The following NAA30 variants were observed in gnomAD, a reference collection of about 807,000 sequenced individuals.
NAA30 encodes the protein N-alpha-acetyltransferase 30.
NAA30 carries 5 observed loss-of-function variants against 31.4 expected under a neutral mutation model. The ratio of observed to expected loss-of-function variants is 0.16; its 90% confidence interval spans 0.08 to 0.33. The LOEUF (loss-of-function observed/expected upper bound fraction) is 0.33, where lower values mean the gene tolerates loss of function less well. Among genes scored for constraint, NAA30 ranks in the 10% least tolerant of loss-of-function variants. The pLI is 1.00. For synonymous variants in NAA30, 222 were observed against 207.1 expected (o/e 1.07, Z -0.62); for missense variants, 428 against 490.8 (o/e 0.87, Z 1.21).
intron 2 of NAA30, among the ~76,000 whole-genome samples, chr14:57,392,291 T>C (rs1233551625): frequency 6.6e-6 from 1 of 152,234 alleles, no homozygotes; most frequent in Non-Finnish European, 1.5e-5. Flanking sequence ...GCCTGCTTTC[T>C]GGTACTCCAT....
rs754538525 is a variant in NAA30, at chr14:57,409,393, C to T, written c.966C>T (p.Thr322=). The change falls in exon 5 of 5, where the codon ACC becomes ACT. Residue 322 remains threonine, a synonymous_variant. Coordinates refer to ENST00000556492, the MANE Select transcript of NAA30 (RefSeq NM_001011713.3). ...TTTCTTTGAAGGTTGTTTTGGAAAC[C>T]GAAATAACAAATAAGTCCGCTTTGA... ...EGDCDEVVLE[T]EITNKSALKL... is the part of the protein sequence containing the mutation. 8.2e-6 allele frequency: 13 copies of T among 1,594,862 alleles called. No individual in the cohort carries two copies. The highest frequency in any genetic ancestry group is 3.5e-5 in the South Asian group (3 of 86,646).
chr14:57,395,947 C>T (rs1051608937), intron 2 of NAA30, among the ~76,000 whole-genome samples: 9 of 152,012 alleles, frequency 5.9e-5, no homozygotes, highest in African/African-American at 1.9e-4. Context: ...ATCTGGCTTT[C>T]ACTAAAACTT....
Position 57,413,200 on chromosome 14 carries a change from G to A in NAA30, c.*3684G>A, listed in dbSNP as rs905869937. On this transcript the variant is annotated 3_prime_UTR_variant, in exon 5 of 5. Transcript: ENST00000556492. ...GCTTTTTGCCCCTGTCTTGTGAGGA[G>A]CTTTAAATAGCTGTGAATACTTCTG... 1.3e-5 allele frequency: 2 copies of A among 151,634 alleles called. No homozygotes were observed. The highest frequency in any genetic ancestry group is 3.9e-4 in the East Asian group (2 of 5,154). 9.4% of individuals were successfully genotyped at this position (151,634 alleles called of 1,614,324 possible). A position where few individuals can be genotyped will look rare whatever the true frequency, so the allele number is the denominator to read the frequency against.
intron 2 of NAA30, among the ~76,000 whole-genome samples, chr14:57,394,018 A>C (rs528438112): frequency 6.6e-6 from 1 of 151,988 alleles, no homozygotes; most frequent in African/African-American, 2.4e-5. Context: ...TAATGGGTCA[A>C]TGGAGTATAT....
chr14:57,395,160 A>T (rs2066445509), intron 2 of NAA30, among the ~76,000 whole-genome samples: 1 of 152,168 alleles, frequency 6.6e-6, no homozygotes, highest in Non-Finnish European at 1.5e-5. Flanking sequence ...TCAGAGGTTT[A>T]TTGACCCAAA....
intron 4 of NAA30, 124 bp downstream of exon 4, chr14:57,400,007 G>A: frequency 6.3e-6 from 3 of 477,102 alleles, no homozygotes; most frequent in South Asian, 8.0e-5. Context: ...GCAGCTTGTG[G>A]GGAAAATTAT....
At chr14:57,393,675 A>G (rs1445887920) in intron 2 of NAA30, among the ~76,000 whole-genome samples, 1 of 152,112 alleles carries the variant, frequency 6.6e-6, no homozygotes. Flanking sequence ...AAAAGTTAAG[A>G]ACCAAAGTGA....
chr14:57,406,191 A>G (rs892051769), intron 4 of NAA30, among the ~76,000 whole-genome samples: 12 of 152,284 alleles, frequency 7.9e-5, no homozygotes, highest in East Asian at 1.9e-4. Flanking sequence ...CATTGGTGTA[A>G]CTTTTTTCTA....
intron 4 of NAA30, among the ~76,000 whole-genome samples, chr14:57,408,690 T>A (rs1263473549): frequency 1.3e-5 from 2 of 152,216 alleles, no homozygotes; most frequent in African/African-American, 4.8e-5. Context: ...ATACCTCTTG[T>A]CTGGATTCAG....
chr14:57,396,128 C>G (rs1246895259), intron 2 of NAA30, among the ~76,000 whole-genome samples: 1 of 152,138 alleles, frequency 6.6e-6, no homozygotes, highest in African/African-American at 2.4e-5. Context: ...GTGCATGCCA[C>G]CACACCTGGC....
At chr14:57,394,054 A>G (rs1316750589) in intron 2 of NAA30, among the ~76,000 whole-genome samples, 1 of 151,898 alleles carries the variant, frequency 6.6e-6, no homozygotes, top group Non-Finnish European at 1.5e-5. Context: ...AAAATTGCCA[A>G]TACTTGATTA....
In NAA30 at chr14:57,412,875, C is replaced by T. The variant is rs1044383729; in HGVS notation, c.*3359C>T. On this transcript the variant is annotated 3_prime_UTR_variant, in exon 5 of 5. Coordinates refer to ENST00000556492, the MANE Select transcript of NAA30 (RefSeq NM_001011713.3). ...CTTCCTGCCTTTCATCTAAGAGTTA[C>T]GGGGAAGAAGTATTACATAATTGTC... 5 of 152,088 alleles carry T rather than the reference C, an allele frequency of 3.3e-5. No individual in the cohort carries two copies. Among genetic ancestry groups the T allele is most frequent in the African/African-American group, 7.2e-5 (3 of 41,408 alleles). The allele number at this position is 152,088 out of a possible 1,614,324, so 9.4% of individuals were successfully genotyped here.
Position 57,414,882 on chromosome 14 carries a change from A to G in NAA30, c.*5366A>G, listed in dbSNP as rs2066540487. 1 of 152,226 alleles carries G rather than the reference A, an allele frequency of 6.6e-6. No individual in the cohort carries two copies. The highest frequency in any genetic ancestry group is 6.5e-5 in the Admixed American group (1 of 15,278). 9.4% of individuals were successfully genotyped at this position (152,226 alleles called of 1,614,324 possible). On this transcript the variant is annotated 3_prime_UTR_variant, in exon 5 of 5. Transcript: ENST00000556492. ...TAAGTCAGTGTTTAATCTCAATATG[A>G]AACAGACCTAGAAATAACAAAGACC...
rs973607562 is a variant in NAA30 at position 57,415,621 on chromosome 14, A to AAAGATAT, written c.*6107_*6108insGATATAA. ...AAATCCACAGTTGCATGAAACTTTT[A>AAAGATAT]AAAGTTTAAGATATAAAGTAATTGC... is the stretch of plus-strand genomic sequence containing the variant. On this transcript the variant is annotated 3_prime_UTR_variant, in exon 5 of 5. Transcript: ENST00000556492. 5 of 152,194 alleles carry AAAGATAT rather than the reference A, an allele frequency of 3.3e-5. No individual in the cohort carries two copies. The highest frequency in any genetic ancestry group is 5.9e-5 in the Non-Finnish European group (4 of 68,030). The allele number at this position is 152,194 out of a possible 1,614,324, so 9.4% of individuals were successfully genotyped here. A position where few individuals can be genotyped will look rare whatever the true frequency, so the allele number is the denominator to read the frequency against.
chr14:57,396,804 A>C lies in NAA30; in HGVS notation c.824A>C (p.His275Pro). 6.2e-7 allele frequency: 1 copy of C among 1,614,118 alleles called. No homozygotes were observed. The highest frequency in any genetic ancestry group is 8.5e-7 in the Non-Finnish European group (1 of 1,179,962). The change falls in exon 3 of 5, where the codon CAC becomes CCC. Residue 275 changes from histidine to proline, a missense_variant. Physicochemically the swap from His to Pro is moderately conservative, Grantham distance 77. Around this residue, in one of 2 missense-constraint regions of NAA30, gnomAD observed 79 missense variants for 180.3 expected, o/e 0.44. Coordinates refer to ENST00000556492, the MANE Select transcript of NAA30 (RefSeq NM_001011713.3). ...GCCATCGTTTGCAAGTTGGATATGC[A>C]CAAAAAGATGTTCCGCAGAGGTTAT... ...VGAIVCKLDM[H>P]KKMFRRGYIA...
rs142565418 is a variant in NAA30, at chr14:57,409,371, C to G, written c.952-8C>G. On this transcript the variant is annotated splice_polypyrimidine_tract_variant and splice_region_variant and intron_variant, in intron 4 of 4. Transcript: ENST00000556492. ...TTATAACTTAGTTTTTTTCTCATTT[C>G]TTTGAAGGTTGTTTTGGAAACCGAA... 5 of 1,578,402 alleles carry G rather than the reference C, an allele frequency of 3.2e-6. No homozygotes were observed. Among genetic ancestry groups the G allele is most frequent in the Non-Finnish European group, 4.3e-6 (5 of 1,165,886 alleles).
chr14:57,399,753 CT>C, intron 3 of NAA30, 74 bp from the exon 4 acceptor site: 1 of 835,922 alleles, frequency 1.2e-6, no homozygotes, highest in South Asian at 1.5e-5. Context: ...CATTTCTGTG[CT>C]TACGAATATT....
chr14:57,411,679 GT>G lies in NAA30; in HGVS notation c.*2165del, dbSNP rs2066523050. On this transcript the variant is annotated 3_prime_UTR_variant, in exon 5 of 5. Coordinates refer to ENST00000556492, the MANE Select transcript of NAA30 (RefSeq NM_001011713.3). ...AACTGTGTGACTAAAAAGTCAGATG[GT>G]TGCCATATTGTTTGGAATATGTTGA... 6.6e-6 allele frequency: 1 copy of G among 152,032 alleles called. No homozygotes were observed. The highest frequency in any genetic ancestry group is 2.4e-5 in the African/African-American group (1 of 41,398). The allele number at this position is 152,032 out of a possible 1,614,324, so 9.4% of individuals were successfully genotyped here.
intron 3 of NAA30, among the ~76,000 whole-genome samples, chr14:57,397,591 G>A (rs537762722): frequency 6.6e-6 from 1 of 152,124 alleles, no homozygotes; most frequent in South Asian, 2.1e-4. Context: ...CTATGGCTGG[G>A]TTAGATAACT....
Sources: gnomAD v4.1 joint callset for allele counts (sites outside exome capture counted in the v4.1 genomes callset) on GRCh38, gnomAD v4.1.1 for gene constraint, gnomAD v4.1.1 regional missense constraint, MANE v1.5 for transcripts, NCBI Gene and HGNC (gene_info 2026-07-23, HGNC 2026-07-21) for gene names.